The following BTBD9 variants were observed in gnomAD, a reference collection of about 807,000 sequenced individuals.
BTBD9 encodes BTB/POZ domain-containing protein 9.
A neutral mutation model predicts 64.3 loss-of-function variants in BTBD9; 49 were observed. The ratio of observed to expected loss-of-function variants is 0.76; its 90% CI spans 0.61 to 0.97. The LOEUF is 0.97. Among genes scored for constraint, BTBD9 ranks in the 50% least tolerant of loss-of-function variants. BTBD9 has a pLI of 0.00. For synonymous variants in BTBD9, 260 were observed against 274.7 expected (o/e 0.95, Z 0.53); for missense variants, 598 against 762.1 (o/e 0.78, Z 2.53).
At chr6:38,624,677 C>G (rs985454117) in intron 1 of BTBD9, among the ~76,000 whole-genome samples, 1 of 148,928 alleles carries the variant, frequency 6.7e-6, no homozygotes, top group Non-Finnish European at 1.5e-5. Context: ...TCCTACCCCC[C>G]ATCCAGAAAA....
At chr6:38,307,609 A>C (rs997883284) in intron 7 of BTBD9, among the ~76,000 whole-genome samples, 8 of 151,862 alleles carry the variant, frequency 5.3e-5, no homozygotes, top group African/African-American at 1.7e-4. Flanking sequence ...CCCCTAATCG[A>C]TTTTTCCTTC....
At chr6:38,318,011 T>G (rs1288451607) in intron 7 of BTBD9, among the ~76,000 whole-genome samples, 1 of 150,708 alleles carries the variant, frequency 6.6e-6, no homozygotes, top group Non-Finnish European at 1.5e-5. Context: ...CTCGGCTCAT[T>G]GCAACTTCCA....
At chr6:38,588,371 A>G (rs2127485969) in intron 4 of BTBD9, 2 of 856,624 alleles carry the variant, frequency 2.3e-6, no homozygotes, top group East Asian at 4.9e-5. Context: ...CCTGCCTCTC[A>G]ACCTAGAATG....
At chr6:38,496,539 C>T (rs185666839) in intron 6 of BTBD9, among the ~76,000 whole-genome samples, 12 of 151,714 alleles carry the variant, frequency 7.9e-5, no homozygotes, top group African/African-American at 2.9e-4. Flanking sequence ...GTCCCAACCA[C>T]TCAGGAGGCT....
At position 38,595,760 on chromosome 6, in the gene BTBD9, C is replaced by G. The variant is rs116020194; in HGVS notation, c.186-1433G>C. ...CACCCAGAAAAGATTCATGAATATTCTGAGCATACCTCTTCACTGGGTTAT... is the reference window on the plus strand; with the variant it reads ...CACCCAGAAAAGATTCATGAATATTGTGAGCATACCTCTTCACTGGGTTAT... On this transcript the variant is annotated intron_variant, in intron 2 of 10. Transcript: ENST00000481247. 1.0e-3 allele frequency: 996 copies of G among 985,106 alleles called. 11 individuals carry two copies. In the African/African-American group the frequency reaches 0.016, roughly 16 times the overall value. 61.0% of individuals were successfully genotyped at this position (985,106 alleles called of 1,614,324 possible). A position where few individuals can be genotyped will look rare whatever the true frequency, so the allele number is the denominator to read the frequency against.
rs116646432 is a variant in BTBD9 at position 38,341,843 on chromosome 6, T to C, written c.1264+3141A>G. ...GCCACCAAATGAGAAGAGGCTGTAG[T>C]GGCAGCAGCAAAGGTGGAAGAAAGG... On this transcript the variant is annotated intron_variant, in intron 7 of 10. Transcript: ENST00000481247. Among the ~76,000 whole-genome samples the C allele has an allele frequency of 2.5e-3, 381 of 152,294 alleles. 1 individual carries two copies. The highest frequency in any genetic ancestry group is 0.012 in the South Asian group (58 of 4,830).
At chr6:38,435,610 C>T (rs1263222019) in intron 6 of BTBD9, among the ~76,000 whole-genome samples, 1 of 3,944 alleles carries the variant, frequency 2.5e-4, no homozygotes, top group African/African-American at 7.6e-4. Context: ...TCCCTTCCTT[C>T]CTTCCCTCCC....
At chr6:38,637,915 A>G (rs769315622) in intron 1 of BTBD9, among the ~76,000 whole-genome samples, 2 of 152,240 alleles carry the variant, frequency 1.3e-5, no homozygotes, top group Admixed American at 6.5e-5. Context: ...TCTTGTTAAC[A>G]GTGGGATGCT....
At chr6:38,502,202 A>C (rs1235329029) in intron 6 of BTBD9, among the ~76,000 whole-genome samples, 1 of 152,350 alleles carries the variant, frequency 6.6e-6, no homozygotes, top group East Asian at 1.9e-4. Flanking sequence ...CTGTTCTAAC[A>C]GAAGATTCTA....
chr6:38,444,312 C>T (rs189353290), intron 6 of BTBD9, among the ~76,000 whole-genome samples: 6 of 152,234 alleles, frequency 3.9e-5, no homozygotes, highest in African/African-American at 7.2e-5. Context: ...CAGTGCCTGG[C>T]GTGCTTGATA....
At position 38,355,957 on chromosome 6, in the gene BTBD9, G is replaced by A. The variant is rs79096929; in HGVS notation, c.1155-10864C>T. Among the ~76,000 whole-genome samples the A allele has an allele frequency of 7.1e-3, 1,075 of 152,256 alleles. 11 individuals are homozygous for A. Among genetic ancestry groups the A allele is most frequent in the African/African-American group, 0.024 (1,005 of 41,550 alleles). ...ACCTTCGTATATGATTGGTTGTTTG[G>A]CTGGGTACAGAATCTCAAGTTGGAA... is the stretch of plus-strand genomic sequence containing the variant. On this transcript the variant is annotated intron_variant, in intron 6 of 10. Coordinates refer to ENST00000481247, the MANE Select transcript of BTBD9 (RefSeq NM_001099272.2).
chr6:38,382,620 A>G (rs1030705199), intron 6 of BTBD9, among the ~76,000 whole-genome samples: 2 of 152,086 alleles, frequency 1.3e-5, no homozygotes, highest in African/African-American at 4.8e-5. Flanking sequence ...GACACAGTAC[A>G]GATAATTTTA....
chr6:38,365,783 AAG>A (rs1477546656), intron 6 of BTBD9, among the ~76,000 whole-genome samples: 2 of 151,512 alleles, frequency 1.3e-5, no homozygotes, highest in Non-Finnish European at 2.9e-5. Context: ...AAACATACTG[AAG>A]GTACAATCTC....
intron 6 of BTBD9, among the ~76,000 whole-genome samples, chr6:38,391,255 T>G (rs1266376835): frequency 6.6e-6 from 1 of 152,220 alleles, no homozygotes; most frequent in African/African-American, 2.4e-5. Context: ...AGTTACAAAT[T>G]TGGTTAACAA....
chr6:38,267,562 T>C (rs948218989), intron 8 of BTBD9, among the ~76,000 whole-genome samples: 9 of 152,194 alleles, frequency 5.9e-5, no homozygotes, highest in African/African-American at 2.2e-4. Context: ...ATCATGCTTC[T>C]ACAGTGCAGG....
At chr6:38,561,256 T>G (rs1047278690) in intron 6 of BTBD9, among the ~76,000 whole-genome samples, 3 of 152,148 alleles carry the variant, frequency 2.0e-5, no homozygotes, top group Non-Finnish European at 4.4e-5. Context: ...TTATTTTTTA[T>G]TTTTTTACTT....
intron 6 of BTBD9, among the ~76,000 whole-genome samples, chr6:38,474,966 A>T (rs1011407521): frequency 1.3e-5 from 2 of 152,208 alleles, no homozygotes; most frequent in African/African-American, 4.8e-5. Flanking sequence ...TTACAACAGC[A>T]AAACAGAAAC....
At chr6:38,605,262 G>A (rs778375160) in intron 1 of BTBD9, among the ~76,000 whole-genome samples, 2 of 151,986 alleles carry the variant, frequency 1.3e-5, no homozygotes, top group African/African-American at 4.8e-5. Flanking sequence ...GGCCAGGCTC[G>A]TCTCAAACTT....
intron 6 of BTBD9, among the ~76,000 whole-genome samples, chr6:38,352,733 G>A (rs1764569922): frequency 6.6e-6 from 1 of 152,158 alleles, no homozygotes; most frequent in African/African-American, 2.4e-5. Context: ...AATATTAAAA[G>A]TCCTCCCAGG....
Sources: gnomAD v4.1 joint callset for allele counts (sites outside exome capture counted in the v4.1 genomes callset) on GRCh38, gnomAD v4.1.1 for gene constraint, MANE v1.5 for transcripts, NCBI Gene and HGNC (gene_info 2026-07-23, HGNC 2026-07-21) for gene names.